The following CAMTA1 variants were observed in gnomAD, a reference collection of about 807,000 sequenced individuals.
CAMTA1 encodes calmodulin binding transcription activator 1.
Under a neutral mutation model 170.9 loss-of-function variants are expected in CAMTA1, and 27 were observed. That is an observed-to-expected ratio of 0.16 (90% confidence interval 0.12 to 0.22). The LOEUF is 0.22. CAMTA1 is among the 10% of genes least tolerant of loss of function. CAMTA1 has a pLI of 1.00. For missense variants in CAMTA1, 1,619 were observed against 2,217.2 expected, an observed-to-expected ratio of 0.73 and a Z score of 5.42; for synonymous variants, 833 against 891.5, an observed-to-expected ratio of 0.93 and a Z score of 1.17.
intron 11 of CAMTA1, among the ~76,000 whole-genome samples, chr1:7,707,329 A>G (rs1373116513): frequency 6.6e-6 from 1 of 152,192 alleles, no homozygotes; most frequent in Admixed American, 6.5e-5. Flanking sequence ...AATATGAGAA[A>G]GATAGCAAAG....
At chr1:7,650,780 A>AT (rs2149031047) in intron 7 of CAMTA1, among the ~76,000 whole-genome samples, 1 of 152,354 alleles carries the variant, frequency 6.6e-6, no homozygotes, top group East Asian at 1.9e-4. Flanking sequence ...TTGAGTGGTG[A>AT]GATCGGGAAA....
chr1:7,423,269 G>C (rs1010354368), intron 5 of CAMTA1, among the ~76,000 whole-genome samples: 1 of 152,108 alleles, frequency 6.6e-6, no homozygotes, highest in Non-Finnish European at 1.5e-5. Flanking sequence ...TCAGGAGCTC[G>C]AGACTAGCCT....
chr1:6,821,960 A>G (rs1180420623), intron 2 of CAMTA1, among the ~76,000 whole-genome samples: 2 of 152,176 alleles, frequency 1.3e-5, no homozygotes, highest in Non-Finnish European at 2.9e-5. Context: ...CAGTCAAGCA[A>G]ATCATCTGTC....
intron 4 of CAMTA1, among the ~76,000 whole-genome samples, chr1:7,119,682 G>A (rs1644533469): frequency 1.3e-5 from 2 of 152,266 alleles, no homozygotes; most frequent in East Asian, 1.9e-4. Flanking sequence ...GACTAGACAA[G>A]ACTGAATTTC....
chr1:7,364,196 A>G (rs2085785426), intron 5 of CAMTA1, among the ~76,000 whole-genome samples: 1 of 152,214 alleles, frequency 6.6e-6, no homozygotes, highest in African/African-American at 2.4e-5. Flanking sequence ...GGTGGTGTGC[A>G]ACATCCTGAG....
intron 6 of CAMTA1, among the ~76,000 whole-genome samples, chr1:7,526,379 C>G (rs1450404743): frequency 2.0e-5 from 3 of 152,238 alleles, no homozygotes; most frequent in Middle Eastern, 3.4e-3. Flanking sequence ...GTGGCTACTG[C>G]ACACCCCTGC....
At chr1:7,404,365 G>A (rs72853182) in intron 5 of CAMTA1, among the ~76,000 whole-genome samples, 3 of 152,160 alleles carry the variant, frequency 2.0e-5, no homozygotes, top group Admixed American at 1.3e-4. Flanking sequence ...ACCCTATTCC[G>A]TACAATTCTA....
intron 2 of CAMTA1, among the ~76,000 whole-genome samples, chr1:6,824,221 A>G (rs540946721): frequency 1.3e-5 from 2 of 152,218 alleles, no homozygotes; most frequent in Non-Finnish European, 2.9e-5. Context: ...AATAATTTGT[A>G]ACTTTGACCT....
At chr1:7,177,988 G>A (rs1014516139) in intron 4 of CAMTA1, among the ~76,000 whole-genome samples, 1 of 151,150 alleles carries the variant, frequency 6.6e-6, no homozygotes, top group Non-Finnish European at 1.5e-5. Context: ...CCCACGCGTG[G>A]AGGCTCCTCC....
chr1:7,349,483 T>C (rs1194129276), intron 5 of CAMTA1, among the ~76,000 whole-genome samples: 1 of 152,230 alleles, frequency 6.6e-6, no homozygotes, highest in East Asian at 1.9e-4. Context: ...TCCCATGCCA[T>C]GTGTGTACTC....
Position 7,732,353 on chromosome 1 carries a change from G to C in CAMTA1, c.2915-95G>C. 9.5e-7 allele frequency: 1 copy of C among 1,055,214 alleles called. No individual in the cohort carries two copies. The highest frequency in any genetic ancestry group is 1.5e-6 in the Non-Finnish European group (1 of 687,566). The allele number at this position is 1,055,214 out of a possible 1,614,324, so 65.4% of individuals were successfully genotyped here. A position where few individuals can be genotyped will look rare whatever the true frequency, so the allele number is the denominator to read the frequency against. ...CTCTGGTTTGGTGAAGTTACGGACG[G>C]CATTTGGATGCTGGTCCCGCAAGGC... On this transcript the variant is annotated intron_variant, in intron 11 of 22. Transcript: ENST00000303635. This position sits in a 1 kb window ranked among gnomAD's most constrained non-coding sequence, Gnocchi z 4.1.
intron 5 of CAMTA1, among the ~76,000 whole-genome samples, chr1:7,327,235 T>G (rs2149717917): frequency 6.6e-6 from 1 of 151,632 alleles, no homozygotes; most frequent in Admixed American, 6.6e-5. Context: ...AAACCCTGTC[T>G]CTACTAAAAA....
chr1:6,815,684 A>G (rs1645715719), intron 1 of CAMTA1, among the ~76,000 whole-genome samples: 1 of 152,206 alleles, frequency 6.6e-6, no homozygotes, highest in Admixed American at 6.5e-5. Context: ...TTAGGATTGG[A>G]AGGATCTTTT....
intron 3 of CAMTA1, among the ~76,000 whole-genome samples, chr1:6,953,946 C>T (rs992470772): frequency 1.3e-4 from 20 of 152,186 alleles, no homozygotes; most frequent in African/African-American, 4.8e-4. Context: ...CTGGGGTTGC[C>T]AGGTCTTCTG....
At chr1:6,812,591 A>G (rs1256309302) in intron 1 of CAMTA1, among the ~76,000 whole-genome samples, 1 of 152,210 alleles carries the variant, frequency 6.6e-6, no homozygotes, top group African/African-American at 2.4e-5. Context: ...ATCTATTTGT[A>G]CAAATGTGGA....
chr1:7,604,841 C>G (rs1273923672), intron 6 of CAMTA1, among the ~76,000 whole-genome samples: 1 of 152,052 alleles, frequency 6.6e-6, no homozygotes, highest in African/African-American at 2.4e-5. Context: ...ATCATGGTGA[C>G]GTACAGATGG....
At chr1:6,985,039 C>G (rs746979903) in intron 3 of CAMTA1, among the ~76,000 whole-genome samples, 1 of 152,218 alleles carries the variant, frequency 6.6e-6, no homozygotes, top group African/African-American at 2.4e-5. Flanking sequence ...TCTCACATCC[C>G]GTTTGATGAC....
chr1:7,031,832 C>CG lies in CAMTA1; in HGVS notation c.235-59471dup, dbSNP rs1702860422. On this transcript the variant is annotated intron_variant, in intron 3 of 22. Transcript: ENST00000303635. ...CTGGGATTATAGGCATGAGTCACCA[C>CG]GCCCAGCCAATCTCTGTCTTTTATT... Among the ~76,000 whole-genome samples the CG allele has an allele frequency of 2.6e-5, 4 of 152,220 alleles. No homozygotes were observed. The South Asian group carries it at 8.3e-4, about 32-fold the overall frequency.
At chr1:6,911,779 C>G (rs1024807281) in intron 3 of CAMTA1, among the ~76,000 whole-genome samples, 1 of 152,238 alleles carries the variant, frequency 6.6e-6, no homozygotes, top group Non-Finnish European at 1.5e-5. Context: ...CCTAAATTAA[C>G]AACTTCGAGT....
Sources: allele counts gnomAD v4.1 joint callset (sites outside exome capture counted in the v4.1 genomes callset), GRCh38; gene constraint gnomAD v4.1.1; non-coding constraint Gnocchi (gnomAD v3.1); transcripts MANE v1.5; gene names NCBI Gene and HGNC (gene_info 2026-07-23, HGNC 2026-07-21).